CORO1C: variants seen among roughly 807,000 people sequenced by gnomAD.
CORO1C encodes coronin-1C.
CORO1C carries 14 observed loss-of-function variants against 51.2 expected under a neutral mutation model. That is an observed-to-expected ratio of 0.27 (90% CI 0.18 to 0.43). CORO1C has a LOEUF of 0.43. Ranked by LOEUF, CORO1C falls within the 20% of genes least tolerant of loss-of-function variation. The pLI is 1.00. For missense variants in CORO1C, 417 were observed against 607.8 expected (o/e 0.69, Z 3.30); for synonymous variants, 181 against 210.5 (o/e 0.86, Z 1.21).
chr12:108,720,726 T>C (rs1047663222), intron 1 of CORO1C, among the ~76,000 whole-genome samples: 4 of 152,064 alleles, frequency 2.6e-5, no homozygotes, highest in African/African-American at 7.2e-5. Flanking sequence ...GGTTTCACCA[T>C]GTTAGCCAGG....
chr12:108,677,067 A>G (rs982776670), intron 3 of CORO1C, among the ~76,000 whole-genome samples: 2 of 152,184 alleles, frequency 1.3e-5, no homozygotes, highest in African/African-American at 4.8e-5. Context: ...TTTCCAAACA[A>G]TGTTTCAGTC....
intron 3 of CORO1C, among the ~76,000 whole-genome samples, chr12:108,666,252 G>A (rs2033471476): frequency 6.6e-6 from 1 of 152,172 alleles, no homozygotes; most frequent in South Asian, 2.1e-4. Flanking sequence ...GCTGGCTCAG[G>A]AGCTGCTAGG....
chr12:108,655,953 G>A (rs373025876), intron 6 of CORO1C, among the ~76,000 whole-genome samples: 10 of 151,256 alleles, frequency 6.6e-5, no homozygotes, highest in Admixed American at 2.6e-4. Flanking sequence ...CTGCCCGGCC[G>A]CCCATCGTCT....
chr12:108,647,144 C>T lies in CORO1C; in HGVS notation c.*259G>A. 1 of 332,844 alleles carries T rather than the reference C, an allele frequency of 3.0e-6. No individual in the cohort carries two copies. Among genetic ancestry groups the T allele is most frequent in the African/African-American group, 2.1e-5 (1 of 47,016 alleles). The allele number at this position is 332,844 out of a possible 1,614,324, so 20.6% of individuals were successfully genotyped here. ...AAGTAGCACTTTTTAAAAAGTTCAA[C>T]AAGTCACATAACACTTAAAACATCA... On this transcript the variant is annotated 3_prime_UTR_variant, in exon 11 of 11. Coordinates refer to ENST00000261401, the MANE Select transcript of CORO1C (RefSeq NM_014325.4).
chr12:108,709,466 A>G (rs1204922093), intron 1 of CORO1C, among the ~76,000 whole-genome samples: 1 of 152,216 alleles, frequency 6.6e-6, no homozygotes, highest in Non-Finnish European at 1.5e-5. Flanking sequence ...CTCTGCAAAC[A>G]AAGGAAAAAT....
chr12:108,699,574 T>A (rs918692008), intron 2 of CORO1C, among the ~76,000 whole-genome samples: 1 of 152,198 alleles, frequency 6.6e-6, no homozygotes, highest in African/African-American at 2.4e-5. Flanking sequence ...TTGGCTGCCA[T>A]AAAGCCTACC....
chr12:108,686,697 T>C (rs542607168), intron 2 of CORO1C, among the ~76,000 whole-genome samples: 1 of 152,336 alleles, frequency 6.6e-6, no homozygotes, highest in Admixed American at 6.5e-5. Flanking sequence ...ATTACTAGCA[T>C]GTCAACCCAA....
At chr12:108,717,419 T>C (rs989077274) in intron 1 of CORO1C, among the ~76,000 whole-genome samples, 1 of 152,168 alleles carries the variant, frequency 6.6e-6, no homozygotes, top group Non-Finnish European at 1.5e-5. Flanking sequence ...TGTGACATAA[T>C]TAGATTTGCA....
At chr12:108,659,660 A>T (rs749257026) in intron 4 of CORO1C, among the ~76,000 whole-genome samples, 5 of 152,196 alleles carry the variant, frequency 3.3e-5, no homozygotes, top group Non-Finnish European at 7.4e-5. Context: ...GGTTTAAATG[A>T]CTGTTTAGGG....
In CORO1C at chr12:108,657,429, G is replaced by A; in HGVS notation, c.631-6C>T. 6.2e-7 allele frequency: 1 copy of A among 1,611,126 alleles called. No homozygotes were observed. The highest frequency in any genetic ancestry group is 8.5e-7 in the Non-Finnish European group (1 of 1,178,846). On this transcript the variant is annotated splice_region_variant and splice_polypyrimidine_tract_variant and intron_variant, in intron 5 of 10. Transcript: ENST00000261401. Reference sequence around the variant, plus strand: ...TCATGTGCTTTCTCCTTCTCCTGGAGAGCAAAAAGGCACATGCCACACATT... The same window carrying A: ...TCATGTGCTTTCTCCTTCTCCTGGAAAGCAAAAAGGCACATGCCACACATT...
At chr12:108,730,029 G>C (rs932445576) in intron 1 of CORO1C, 2 of 152,200 alleles carry the variant, frequency 1.3e-5, no homozygotes, top group Non-Finnish European at 2.9e-5. Context: ...CTAATATTTT[G>C]TGGTAACTAT....
intron 1 of CORO1C, among the ~76,000 whole-genome samples, chr12:108,711,316 G>A (rs1036865912): frequency 1.7e-4 from 26 of 152,096 alleles, no homozygotes; most frequent in Non-Finnish European, 3.5e-4. Context: ...GCTGCAGTGG[G>A]CCATGATCAT....
intron 1 of CORO1C, among the ~76,000 whole-genome samples, chr12:108,702,252 G>A (rs1035548721): frequency 3.3e-5 from 5 of 152,100 alleles, no homozygotes; most frequent in Admixed American, 2.6e-4. Context: ...TTGGGACCTA[G>A]GAAAGGAAAA....
intron 2 of CORO1C, among the ~76,000 whole-genome samples, chr12:108,678,725 A>C (rs1242308009): frequency 6.6e-6 from 1 of 151,248 alleles, no homozygotes; most frequent in African/African-American, 2.5e-5. Context: ...GCTTAAAAAA[A>C]AAAAAAAAAA....
At chr12:108,657,746 T>C (rs1479081809) in intron 5 of CORO1C, among the ~76,000 whole-genome samples, 1 of 152,222 alleles carries the variant, frequency 6.6e-6, no homozygotes, top group Non-Finnish European at 1.5e-5. Context: ...TGTTTGTTTC[T>C]CAAGAGGATA....
In CORO1C at chr12:108,697,330, G is replaced by C. The variant is rs151215787; in HGVS notation, c.195+3794C>G. 2.0e-4 allele frequency among the ~76,000 whole-genome samples: 30 copies of C among 152,238 alleles called. No individual in the cohort carries two copies. The East Asian group carries it at 5.8e-3, about 29-fold the overall frequency. On this transcript the variant is annotated intron_variant, in intron 2 of 10. Coordinates refer to ENST00000261401, the MANE Select transcript of CORO1C (RefSeq NM_014325.4). ...CCTGTCTATAACCAGAAACAAAAAA[G>C]GGAAAACATTCTCAGAAGCCCATGA... is the stretch of plus-strand genomic sequence containing the variant.
In CORO1C at chr12:108,693,123, C is replaced by T. The variant is rs547882323; in HGVS notation, c.195+8001G>A. 2.6e-5 allele frequency among the ~76,000 whole-genome samples: 4 copies of T among 152,004 alleles called. No homozygotes were observed. In the East Asian group the frequency reaches 5.8e-4, roughly 22 times the overall value. ...AAACCACAGATTCTATATCCTCCCC[C>T]CTAAAGAAAAATTCGTTCACACTCA... On this transcript the variant is annotated intron_variant, in intron 2 of 10. Coordinates refer to ENST00000261401, the MANE Select transcript of CORO1C (RefSeq NM_014325.4).
chr12:108,648,429 G>C (rs1187502304), intron 10 of CORO1C, among the ~76,000 whole-genome samples, 176 bp downstream of exon 10: 1 of 152,154 alleles, frequency 6.6e-6, no homozygotes, highest in Non-Finnish European at 1.5e-5. Flanking sequence ...AAGGAGGCAA[G>C]TGTTGCCACA....
At position 108,691,185 on chromosome 12, in the gene CORO1C, GC is replaced by G. The variant is rs1481779335; in HGVS notation, c.195+9938del. Among the ~76,000 whole-genome samples the G allele has an allele frequency of 2.6e-5, 4 of 151,176 alleles. No individual in the cohort carries two copies. The East Asian group carries it at 8.5e-4, about 32-fold the overall frequency. On this transcript the variant is annotated intron_variant, in intron 2 of 10. Transcript: ENST00000261401. ...CTGCAGTATAGACTCAATTCAGTCAGCCAGAAATGAAACCCAAGTCACCGTT... is the reference window on the plus strand; with the variant it reads ...CTGCAGTATAGACTCAATTCAGTCAGCAGAAATGAAACCCAAGTCACCGTT...
Sources: gnomAD v4.1 joint callset for allele counts (sites outside exome capture counted in the v4.1 genomes callset) on GRCh38, gnomAD v4.1.1 for gene constraint, MANE v1.5 for transcripts, NCBI Gene and HGNC (gene_info 2026-07-23, HGNC 2026-07-21) for gene names.